The following ROBO1 variants were observed in gnomAD, a reference collection of about 807,000 sequenced individuals.
The protein encoded by ROBO1 is roundabout homolog 1.
A neutral mutation model predicts 195.9 loss-of-function variants in ROBO1; 149 were observed. That is an observed-to-expected ratio of 0.76 (90% CI 0.67 to 0.87). The LOEUF is 0.87. Among genes scored for constraint, ROBO1 ranks in the 40% least tolerant of loss-of-function variants. The pLI, the probability that ROBO1 is intolerant of heterozygous loss-of-function variation, is 0.00. For missense variants in ROBO1, 1,933 were observed against 2,068.3 expected (o/e 0.93, Z 1.27); for synonymous variants, 816 against 733.2 (o/e 1.11, Z -1.82).
chr3:79,179,193 TA>T, intron 2 of ROBO1, among the ~76,000 whole-genome samples: 1 of 152,300 alleles, frequency 6.6e-6, no homozygotes, highest in African/African-American at 2.4e-5. Context: ...CCATTCAGTT[TA>T]AAATGGAGTT....
At chr3:79,525,203 G>C (rs1941376142) in intron 2 of ROBO1, among the ~76,000 whole-genome samples, 1 of 150,908 alleles carries the variant, frequency 6.6e-6, no homozygotes, top group South Asian at 2.1e-4. Context: ...TTATTAAAAT[G>C]TCTACTAGAA....
At chr3:78,908,123 A>C (rs2038034969) in intron 4 of ROBO1, among the ~76,000 whole-genome samples, 2 of 141,580 alleles carry the variant, frequency 1.4e-5, no homozygotes, top group African/African-American at 5.6e-5. Context: ...TCAACTAAAG[A>C]ACATATCAAA....
At chr3:79,621,516 A>G (rs1945008894) in intron 1 of ROBO1, among the ~76,000 whole-genome samples, 1 of 152,226 alleles carries the variant, frequency 6.6e-6, no homozygotes, top group African/African-American at 2.4e-5. Context: ...TTTAGAGAGA[A>G]GCATCAAATC....
intron 1 of ROBO1, among the ~76,000 whole-genome samples, chr3:79,739,388 G>A (rs1703527202): frequency 6.6e-6 from 1 of 152,062 alleles, no homozygotes; most frequent in Admixed American, 6.6e-5. Context: ...GATATTCCTG[G>A]AGCTAAACCT....
At chr3:79,281,348 G>A (rs1210934502) in intron 2 of ROBO1, among the ~76,000 whole-genome samples, 3 of 152,040 alleles carry the variant, frequency 2.0e-5, no homozygotes, top group South Asian at 2.1e-4. Flanking sequence ...AAGTTTTAGG[G>A]TACATGTGCA....
Position 78,958,291 on chromosome 3 carries a change from T to C in ROBO1, c.173-19364A>G, listed in dbSNP as rs1359168185. 3.7e-4 allele frequency among the ~76,000 whole-genome samples: 57 copies of C among 152,206 alleles called. 1 individual carries two copies. Among genetic ancestry groups the C allele is most frequent in the Admixed American group, 3.7e-3 (57 of 15,282 alleles). Reference sequence around the variant, plus strand: ...TTCAGGTATGCAAGGTGATTTCTAATGTACACTAAAGTTTGGGAATCTTAT... The same window carrying C: ...TTCAGGTATGCAAGGTGATTTCTAACGTACACTAAAGTTTGGGAATCTTAT... On this transcript the variant is annotated intron_variant, in intron 3 of 30. Transcript: ENST00000464233.
At chr3:78,636,146 G>C in intron 22 of ROBO1, 38 bp from the exon 23 acceptor site, 1 of 1,439,788 alleles carries the variant, frequency 6.9e-7, no homozygotes, top group African/African-American at 1.4e-5. Context: ...AAATCATTCT[G>C]CGTGGTTATT....
chr3:78,658,279 C>CA (rs1189626044), intron 17 of ROBO1, among the ~76,000 whole-genome samples: 1 of 152,140 alleles, frequency 6.6e-6, no homozygotes, highest in Non-Finnish European at 1.5e-5. Flanking sequence ...TATAGAAAAA[C>CA]ATGCTCATTA....
At chr3:78,856,514 A>C (rs993267884) in intron 4 of ROBO1, among the ~76,000 whole-genome samples, 1 of 151,984 alleles carries the variant, frequency 6.6e-6, no homozygotes, top group African/African-American at 2.4e-5. Flanking sequence ...TTGTAAGGAC[A>C]TGCAATTAAT....
At chr3:78,658,668 G>A (rs1707191266) in intron 17 of ROBO1, among the ~76,000 whole-genome samples, 1 of 152,148 alleles carries the variant, frequency 6.6e-6, no homozygotes, top group Non-Finnish European at 1.5e-5. Context: ...AATAGGAAGT[G>A]AGATTTAAAA....
intron 2 of ROBO1, among the ~76,000 whole-genome samples, chr3:79,499,507 G>GAAA: frequency 6.6e-6 from 1 of 152,164 alleles, no homozygotes; most frequent in South Asian, 2.1e-4. Context: ...ATTTTACATT[G>GAAA]TGGTATATAC....
At chr3:78,681,668 G>T in intron 10 of ROBO1, among the ~76,000 whole-genome samples, 1 of 152,136 alleles carries the variant, frequency 6.6e-6, no homozygotes, top group East Asian at 1.9e-4. Context: ...ACTTTGGGAG[G>T]CCGAGGCGGG....
chr3:79,099,516 G>A (rs2079635515), intron 3 of ROBO1, among the ~76,000 whole-genome samples: 1 of 151,528 alleles, frequency 6.6e-6, no homozygotes, highest in East Asian at 1.9e-4. Flanking sequence ...AGCAACCAGA[G>A]GACAAAAAGG....
intron 2 of ROBO1, among the ~76,000 whole-genome samples, chr3:79,133,830 C>A (rs1366894066): frequency 4.9e-5 from 7 of 144,204 alleles, no homozygotes; most frequent in Admixed American, 2.9e-4. Context: ...TACTTTTGGT[C>A]TTTGATGATG....
Position 78,607,040 on chromosome 3 carries a change from A to G in ROBO1, c.4437T>C (p.Asp1479=). ...GHLRRETYTD[D]LPPPPVPPPA... is the part of the protein sequence containing the mutation. ...GTGGCGGCACAGGAGGTGGTGGAAG[A>G]TCTAAAAAGAAACATTAAAAATACT... The change falls in exon 29 of 31, where the codon GAT becomes GAC. Residue 1479 remains aspartate (D), a splice_region_variant and synonymous_variant. Transcript: ENST00000464233. 1 of 1,605,652 alleles carries G rather than the reference A, an allele frequency of 6.2e-7. No individual in the cohort carries two copies. The highest frequency in any genetic ancestry group is 1.1e-5 in the South Asian group (1 of 90,614).
chr3:78,923,226 G>A (rs910119684), intron 4 of ROBO1, among the ~76,000 whole-genome samples: 2 of 152,060 alleles, frequency 1.3e-5, no homozygotes, highest in Admixed American at 6.5e-5. Flanking sequence ...ACATTTTTGA[G>A]ACTTTTTCTG....
chr3:79,271,431 G>A (rs2030548678), intron 2 of ROBO1, among the ~76,000 whole-genome samples: 1 of 151,942 alleles, frequency 6.6e-6, no homozygotes, highest in South Asian at 2.1e-4. Flanking sequence ...AGTGGTTGAA[G>A]CTCTTTGCCT....
intron 2 of ROBO1, among the ~76,000 whole-genome samples, chr3:79,385,492 A>G (rs750642794): frequency 2.6e-5 from 4 of 152,136 alleles, no homozygotes; most frequent in Non-Finnish European, 5.9e-5. Context: ...ACTGCACAAA[A>G]TATCTTCATG....
At chr3:79,241,072 C>A (rs115375461) in intron 2 of ROBO1, among the ~76,000 whole-genome samples, 2,917 of 152,196 alleles carry the variant, frequency 0.019, 55 homozygotes, top group Middle Eastern at 0.024. Context: ...ATTTTATTTT[C>A]AACTAAAATT....
Sources: gnomAD v4.1 joint callset for allele counts (sites outside exome capture counted in the v4.1 genomes callset) on GRCh38, gnomAD v4.1.1 for gene constraint, MANE v1.5 for transcripts, NCBI Gene and HGNC (gene_info 2026-07-23, HGNC 2026-07-21) for gene names.